The following CRYZL1 variants were observed in gnomAD, a reference collection of about 807,000 sequenced individuals.
CRYZL1 encodes the protein crystallin zeta like 1.
CRYZL1 carries 34 observed loss-of-function variants against 50.6 expected under a neutral mutation model. The ratio of observed to expected loss-of-function variants is 0.67; its 90% CI spans 0.51 to 0.89. The LOEUF (loss-of-function observed/expected upper bound fraction) is 0.89, where lower values mean the gene tolerates loss of function less well. CRYZL1 is among the 40% of genes least tolerant of loss of function. The probability of loss-of-function intolerance (pLI) is 0.00; values close to 1 mark genes in which losing one functional copy is unlikely to be tolerated. For missense variants in CRYZL1, 354 were observed against 402.3 expected, an observed-to-expected ratio of 0.88 and a Z score of 1.03; for synonymous variants, 125 against 134.3, an observed-to-expected ratio of 0.93 and a Z score of 0.48.
intron 4 of CRYZL1, among the ~76,000 whole-genome samples, chr21:33,617,396 ACTC>A (rs1378856163): frequency 1.3e-5 from 2 of 151,940 alleles, no homozygotes; most frequent in Non-Finnish European, 2.9e-5. Context: ...ATTGTTTTCT[ACTC>A]CTCCTGTGGC....
In CRYZL1 at chr21:33,599,154, A is replaced by G. The variant is rs181993996; in HGVS notation, c.672T>C (p.Ala224=). Residue 224 remains alanine (A), a synonymous_variant, in exon 9 of 13, where the codon GCT becomes GCC. Transcript: ENST00000381554. ...GGLGVDIVLD[A]GVRLYSKDDE... is the part of the protein sequence containing the mutation. ...CTAATTTCATAAGGTACCTACCTCC[A>G]GCATCTAGGACAATATCTACTCCCA... is the stretch of plus-strand genomic sequence containing the variant. 29 of 1,614,024 alleles carry G rather than the reference A, an allele frequency of 1.8e-5. No homozygotes were observed. The East Asian group carries it at 4.0e-4, about 22-fold the overall frequency.
At chr21:33,609,701 T>C (rs572631405) in intron 6 of CRYZL1, among the ~76,000 whole-genome samples, 1 of 151,980 alleles carries the variant, frequency 6.6e-6, no homozygotes, top group Non-Finnish European at 1.5e-5. Context: ...CTCTTCTCTT[T>C]TCTTTTCTTT....
intron 9 of CRYZL1, among the ~76,000 whole-genome samples, chr21:33,598,890 T>G (rs2086722434): frequency 1.3e-5 from 2 of 151,972 alleles, no homozygotes; most frequent in African/African-American, 4.8e-5. Context: ...TCTTCCAATG[T>G]GGCCAGGGAA....
intron 6 of CRYZL1, among the ~76,000 whole-genome samples, chr21:33,606,705 T>C (rs923694915): frequency 3.3e-4 from 50 of 151,176 alleles, no homozygotes; most frequent in Non-Finnish European, 6.8e-4. Context: ...GTGTTTATTA[T>C]GTTATAAAAA....
chr21:33,620,041 A>G (rs1426935707), intron 4 of CRYZL1, among the ~76,000 whole-genome samples: 1 of 152,216 alleles, frequency 6.6e-6, no homozygotes, highest in Admixed American at 6.5e-5. Context: ...TTATATCCTA[A>G]GCAGTTAGCA....
At chr21:33,628,959 G>A (rs1013537244) in intron 2 of CRYZL1, among the ~76,000 whole-genome samples, 1 of 152,008 alleles carries the variant, frequency 6.6e-6, no homozygotes, top group African/African-American at 2.4e-5. Context: ...GCCAGGCGCG[G>A]TGGCTCACGC....
chr21:33,625,802 T>C (rs2087055483), intron 2 of CRYZL1, among the ~76,000 whole-genome samples: 1 of 151,740 alleles, frequency 6.6e-6, no homozygotes, highest in Non-Finnish European at 1.5e-5. Flanking sequence ...TTCTTAACGC[T>C]ATAAGTGAAA....
intron 6 of CRYZL1, among the ~76,000 whole-genome samples, chr21:33,608,487 T>A (rs2086836890): frequency 6.6e-6 from 1 of 152,022 alleles, no homozygotes. Context: ...AACATATCCC[T>A]CCTGTTTAGC....
At chr21:33,640,225 A>C (rs2087263217) in intron 1 of CRYZL1, 1 of 1,545,868 alleles carries the variant, frequency 6.5e-7, no homozygotes, top group African/African-American at 1.4e-5. Flanking sequence ...GAAATATTTC[A>C]TTGCACAAGG....
At chr21:33,599,828 T>G (rs922367587) in intron 8 of CRYZL1, among the ~76,000 whole-genome samples, 1 of 151,522 alleles carries the variant, frequency 6.6e-6, no homozygotes, top group African/African-American at 2.4e-5. Context: ...AGGGAGAGGG[T>G]CTTGCTATGT....
rs1044784840 is a variant in CRYZL1, at chr21:33,589,856, T to A, written c.1016A>T (p.Asn339Ile). The change falls in exon 13 of 13, where the codon AAT (asparagine) becomes ATT (isoleucine). Residue 339 changes from asparagine to isoleucine, a missense_variant. By Grantham distance (149) the Asn-to-Ile change is moderately radical. Transcript: ENST00000381554. ...AACAACTTGCTTTTTTCTTCCTTGA[T>A]TTTTCTGAACAGCTTCCATGGAAAC... Reference protein sequence around the residue: ...AKVSMEAVQKNQGRKKQVVQF With the variant: ...AKVSMEAVQKIQGRKKQVVQF 8 of 1,613,146 alleles carry A rather than the reference T, an allele frequency of 5.0e-6. No homozygotes were observed. The Admixed American group carries it at 5.0e-5, about 10-fold the overall frequency.
intron 4 of CRYZL1, among the ~76,000 whole-genome samples, chr21:33,621,562 CG>C (rs2087002164): frequency 6.6e-6 from 1 of 151,794 alleles, no homozygotes; most frequent in Admixed American, 6.6e-5. Context: ...AGGATGGTCT[CG>C]ATCTCCTGAC....
rs577216717 is a variant in CRYZL1, at chr21:33,636,623, G to A, written c.-7+5058C>T. On this transcript the variant is annotated intron_variant, in intron 1 of 12. Coordinates refer to ENST00000381554, the MANE Select transcript of CRYZL1 (RefSeq NM_145858.3). ...GAATAATTTTTAGCAAAAGCAGAACGAGAACTTTGCATAAATTAAACACTT... is the reference window on the plus strand; with the variant it reads ...GAATAATTTTTAGCAAAAGCAGAACAAGAACTTTGCATAAATTAAACACTT... Among the ~76,000 whole-genome samples the A allele has an allele frequency of 2.9e-4, 44 of 152,256 alleles. 1 individual carries two copies. In the South Asian group the frequency reaches 8.5e-3, roughly 29 times the overall value.
At chr21:33,631,037 C>G (rs911525950) in intron 2 of CRYZL1, among the ~76,000 whole-genome samples, 9 of 152,026 alleles carry the variant, frequency 5.9e-5, no homozygotes, top group Admixed American at 3.9e-4. Flanking sequence ...TCAACAGGTA[C>G]AAAGTTACAG....
At chr21:33,609,245 A>C (rs2086844850) in intron 6 of CRYZL1, among the ~76,000 whole-genome samples, 1 of 152,032 alleles carries the variant, frequency 6.6e-6, no homozygotes, top group South Asian at 2.1e-4. Context: ...TGTACGGCTT[A>C]TCAACATTTT....
At chr21:33,603,325 GC>G in intron 7 of CRYZL1, 78 bp downstream of exon 7, 11 of 1,529,512 alleles carry the variant, frequency 7.2e-6, no homozygotes, top group Non-Finnish European at 9.8e-6. Flanking sequence ...AATTATATTA[GC>G]AAATGGATGG....
At chr21:33,606,652 G>C (rs1159383704) in intron 6 of CRYZL1, among the ~76,000 whole-genome samples, 2 of 151,830 alleles carry the variant, frequency 1.3e-5, no homozygotes, top group Non-Finnish European at 2.9e-5. Context: ...GGTTAGATGT[G>C]GGTTAATGTC....
chr21:33,593,396 A>G (rs1357564383), intron 11 of CRYZL1, among the ~76,000 whole-genome samples: 1 of 152,050 alleles, frequency 6.6e-6, no homozygotes, highest in Non-Finnish European at 1.5e-5. Context: ...GTGAGCCACC[A>G]CACCTGGCCT....
At chr21:33,641,400 C>G in intron 1 of CRYZL1, 1 of 1,410,656 alleles carries the variant, frequency 7.1e-7, no homozygotes, top group South Asian at 1.4e-5. Context: ...AGTGGAAGGG[C>G]ACTCCCAGAC....
Sources: allele counts gnomAD v4.1 joint callset (sites outside exome capture counted in the v4.1 genomes callset), GRCh38; gene constraint gnomAD v4.1.1; transcripts MANE v1.5; gene names NCBI Gene and HGNC (gene_info 2026-07-23, HGNC 2026-07-21).